The following MYRFL variants were observed in gnomAD, a reference collection of about 807,000 sequenced individuals.
MYRFL encodes myelin regulatory factor like.
MYRFL carries 88 observed loss-of-function variants against 109.4 expected under a neutral mutation model. The observed-to-expected ratio is 0.80, with a 90% CI of 0.68 to 0.96. The LOEUF is 0.96. Ranked by LOEUF, MYRFL falls within the 40% of genes least tolerant of loss-of-function variation. MYRFL has a pLI of 0.00. For missense variants in MYRFL, 957 were observed against 954.9 expected (o/e 1.00, Z -0.03); for synonymous variants, 324 against 320.9 (o/e 1.01, Z -0.10).
chr12:69,852,683 G>C (rs1270535026), intron 1 of MYRFL, among the ~76,000 whole-genome samples: 2 of 149,808 alleles, frequency 1.3e-5, no homozygotes, highest in East Asian at 3.9e-4. Flanking sequence ...AAGGTCAGCA[G>C]ATAAACATGT....
chr12:69,918,048 G>T (rs1357299329), intron 13 of MYRFL, among the ~76,000 whole-genome samples: 1 of 152,080 alleles, frequency 6.6e-6, no homozygotes, highest in Admixed American at 6.6e-5. Context: ...CAAGCCTGTG[G>T]CCAAGTCTGG....
chr12:69,924,046 G>A (rs1239817), intron 13 of MYRFL, among the ~76,000 whole-genome samples: 41,879 of 151,634 alleles, frequency 0.28, 6,105 homozygotes, highest in Non-Finnish European at 0.33. Context: ...AAAATTAGCC[G>A]GGCGTGGTGG....
chr12:69,945,709 T>C (rs11177985), intron 19 of MYRFL, among the ~76,000 whole-genome samples: 47,486 of 151,804 alleles, frequency 0.31, 7,745 homozygotes, highest in East Asian at 0.48. Flanking sequence ...AATTATAGGC[T>C]GGGCGCGGTG....
intron 2 of MYRFL, among the ~76,000 whole-genome samples, chr12:69,859,637 G>GACATTTATGCAGCC (rs1163264235): frequency 1.3e-5 from 2 of 152,102 alleles, no homozygotes; most frequent in Non-Finnish European, 2.9e-5. Context: ...CTCAAAAGAA[G>GACATTTATGCAGCC]ACATTTATGC....
chr12:69,927,147 G>T (rs1267160500), intron 14 of MYRFL, among the ~76,000 whole-genome samples: 1 of 151,668 alleles, frequency 6.6e-6, no homozygotes, highest in Non-Finnish European at 1.5e-5. Context: ...GTTTGACCAT[G>T]TTGGCCAGGC....
At chr12:69,902,759 C>T (rs1427024617) in intron 10 of MYRFL, among the ~76,000 whole-genome samples, 1 of 152,196 alleles carries the variant, frequency 6.6e-6, no homozygotes, top group Non-Finnish European at 1.5e-5. Context: ...TACAGGGAAG[C>T]AGGAAGGAAG....
chr12:69,884,056 A>T (rs996173083), intron 5 of MYRFL, among the ~76,000 whole-genome samples: 7 of 152,234 alleles, frequency 4.6e-5, no homozygotes, highest in Admixed American at 1.3e-4. Flanking sequence ...GCAGGGCTCA[A>T]AGCATCCTAT....
intron 6 of MYRFL, among the ~76,000 whole-genome samples, chr12:69,890,674 G>A (rs1432893561): frequency 4.6e-5 from 7 of 152,232 alleles, no homozygotes; most frequent in Non-Finnish European, 1.0e-4. Context: ...GGCTGGGGTT[G>A]CAGTGAGCCA....
intron 13 of MYRFL, among the ~76,000 whole-genome samples, chr12:69,915,290 C>T (rs1287313123): frequency 1.3e-5 from 2 of 152,140 alleles, no homozygotes; most frequent in Non-Finnish European, 2.9e-5. Context: ...GCTTCATGTG[C>T]TGTAATAAGT....
Position 69,950,421 on chromosome 12 carries a change from A to G in MYRFL, c.2225-1692A>G, listed in dbSNP as rs1009174406. On this transcript the variant is annotated intron_variant, in intron 19 of 24. Coordinates refer to ENST00000552032, the MANE Select transcript of MYRFL (RefSeq NM_182530.3). ...ATGAAACAGTCCATCTCCTATCTCC[A>G]TGCTTTCTCCTGGGATCTCCAGGAG... Among the ~76,000 whole-genome samples, 4 of 152,018 alleles carry G rather than the reference A, an allele frequency of 2.6e-5. No individual in the cohort carries two copies. The East Asian group carries it at 5.8e-4, about 22-fold the overall frequency.
intron 13 of MYRFL, among the ~76,000 whole-genome samples, chr12:69,920,052 A>G (rs943561695): frequency 1.1e-4 from 16 of 152,080 alleles, no homozygotes; most frequent in Non-Finnish European, 2.1e-4. Context: ...TAGACCTGCA[A>G]TGGACCCAGG....
chr12:69,874,483 T>C (rs1279891134), intron 2 of MYRFL, among the ~76,000 whole-genome samples: 1 of 152,222 alleles, frequency 6.6e-6, no homozygotes, highest in Non-Finnish European at 1.5e-5. Flanking sequence ...CACCTTCAGA[T>C]GTATTTTTAA....
intron 23 of MYRFL, 117 bp downstream of exon 23, chr12:69,958,059 T>C: frequency 7.1e-7 from 1 of 1,400,026 alleles, no homozygotes; most frequent in South Asian, 1.5e-5. Flanking sequence ...CTCTTCCTTG[T>C]GTCCTTATGA....
intron 1 of MYRFL, among the ~76,000 whole-genome samples, chr12:69,853,748 T>A (rs1370087810): frequency 1.8e-5 from 2 of 109,854 alleles, no homozygotes; most frequent in Non-Finnish European, 3.8e-5. Context: ...CTTCCCAGAC[T>A]GGGCGGCGGG....
At chr12:69,891,678 TTTCTTTCGTTCGTTC>T (rs1566002763) in intron 7 of MYRFL, among the ~76,000 whole-genome samples, 1,614 of 112,520 alleles carry the variant, frequency 0.014, 111 homozygotes, top group African/African-American at 0.041. Context: ...TCTTTCTTTC[TTTCTTTCGTTCGTTC>T]GTTCTTTCTT....
chr12:69,953,179 T>C (rs982132233), intron 21 of MYRFL, among the ~76,000 whole-genome samples: 1 of 152,186 alleles, frequency 6.6e-6, no homozygotes, highest in Non-Finnish European at 1.5e-5. Flanking sequence ...AGGGCACATA[T>C]CAAGGGCACA....
chr12:69,879,187 C>G lies in MYRFL; in HGVS notation c.206-8C>G. The G allele has an allele frequency of 1.4e-6, 1 of 702,798 alleles. No homozygotes were observed. The highest frequency in any genetic ancestry group is 1.5e-5 in the South Asian group (1 of 67,580). 43.5% of individuals were successfully genotyped at this position (702,798 alleles called of 1,614,324 possible). A position where few individuals can be genotyped will look rare whatever the true frequency, so the allele number is the denominator to read the frequency against. On this transcript the variant is annotated splice_polypyrimidine_tract_variant and splice_region_variant and intron_variant, in intron 3 of 24. Coordinates refer to ENST00000552032, the MANE Select transcript of MYRFL (RefSeq NM_182530.3). ...AAAGGGGCACTTCCTGCTTGTGTCT[C>G]TCCCCAGGTGCATGCTACCCAACCC... is the stretch of plus-strand genomic sequence containing the variant.
At chr12:69,909,110 T>C (rs1954470002) in intron 11 of MYRFL, among the ~76,000 whole-genome samples, 1 of 152,218 alleles carries the variant, frequency 6.6e-6, no homozygotes, top group Admixed American at 6.5e-5. Context: ...GTGCATGATA[T>C]GTTAAAGGTG....
At chr12:69,919,157 G>T (rs1024056400) in intron 13 of MYRFL, among the ~76,000 whole-genome samples, 2 of 152,158 alleles carry the variant, frequency 1.3e-5, no homozygotes, top group Admixed American at 1.3e-4. Flanking sequence ...GAATATTGAG[G>T]TGCCTGTGTC....
Sources: gnomAD v4.1 joint callset for allele counts (sites outside exome capture counted in the v4.1 genomes callset) on GRCh38, gnomAD v4.1.1 for gene constraint, MANE v1.5 for transcripts, NCBI Gene and HGNC (gene_info 2026-07-23, HGNC 2026-07-21) for gene names.